The following TBC1D22A variants were observed in gnomAD, a reference collection of about 807,000 sequenced individuals.
TBC1D22A encodes TBC1 domain family member 22A.
Under a neutral mutation model 60.2 loss-of-function variants are expected in TBC1D22A, and 38 were observed. The observed-to-expected ratio is 0.63, with a 90% confidence interval of 0.49 to 0.83. TBC1D22A has a LOEUF of 0.83. TBC1D22A is among the 40% of genes least tolerant of loss of function. The pLI, the probability that TBC1D22A is intolerant of heterozygous loss-of-function variation, is 0.00. For synonymous variants in TBC1D22A, 302 were observed against 281.7 expected (o/e 1.07, Z -0.72); for missense variants, 628 against 701.0 (o/e 0.90, Z 1.18).
At chr22:47,015,093 C>G (rs573718133) in intron 10 of TBC1D22A, among the ~76,000 whole-genome samples, 18 of 152,380 alleles carry the variant, frequency 1.2e-4, no homozygotes, top group African/African-American at 4.3e-4. Context: ...ACCTGCGGGA[C>G]AAACTGGACG....
At chr22:46,883,496 G>A (rs1382981372) in intron 5 of TBC1D22A, among the ~76,000 whole-genome samples, 1 of 152,208 alleles carries the variant, frequency 6.6e-6, no homozygotes, top group African/African-American at 2.4e-5. Flanking sequence ...AGTGTCAGGA[G>A]CACGTGTAGG....
chr22:46,885,191 G>A (rs575791829), intron 5 of TBC1D22A, among the ~76,000 whole-genome samples: 8 of 152,344 alleles, frequency 5.3e-5, no homozygotes, highest in Non-Finnish European at 1.0e-4. Context: ...CTGGGTGAAT[G>A]AATGTTGTTG....
At chr22:46,920,203 C>T (rs947019379) in intron 8 of TBC1D22A, among the ~76,000 whole-genome samples, 2 of 152,104 alleles carry the variant, frequency 1.3e-5, no homozygotes, top group African/African-American at 2.4e-5. Context: ...CCTCAGCCTC[C>T]CAAGTAGCTG....
chr22:47,090,895 A>T (rs545874351), intron 11 of TBC1D22A, among the ~76,000 whole-genome samples: 1 of 99,582 alleles, frequency 1.0e-5, no homozygotes, highest in South Asian at 4.1e-4. Context: ...AGAGACAGGC[A>T]GGAGAAGTCG....
intron 11 of TBC1D22A, among the ~76,000 whole-genome samples, chr22:47,058,097 A>T (rs73471663): frequency 0.024 from 3,710 of 152,240 alleles, 130 homozygotes; most frequent in African/African-American, 0.082. Flanking sequence ...TGCCCAGCAG[A>T]TCTGAGCTCC....
At chr22:47,025,960 C>T (rs2062242996) in intron 10 of TBC1D22A, among the ~76,000 whole-genome samples, 1 of 152,202 alleles carries the variant, frequency 6.6e-6, no homozygotes, top group African/African-American at 2.4e-5. Flanking sequence ...TAGAGAAGTG[C>T]AGACTGGTAT....
At chr22:46,939,888 A>C (rs2071881596) in intron 8 of TBC1D22A, among the ~76,000 whole-genome samples, 1 of 152,248 alleles carries the variant, frequency 6.6e-6, no homozygotes, top group Admixed American at 6.5e-5. Flanking sequence ...GAAAGCTGGC[A>C]TCACTGCTTA....
At chr22:46,965,307 C>A (rs2077714630) in intron 8 of TBC1D22A, among the ~76,000 whole-genome samples, 2 of 152,328 alleles carry the variant, frequency 1.3e-5, no homozygotes, top group East Asian at 1.9e-4. Context: ...GGGCGGGGTG[C>A]CCCGCCCATT....
At chr22:47,084,299 T>C (rs2064592647) in intron 11 of TBC1D22A, among the ~76,000 whole-genome samples, 2 of 152,232 alleles carry the variant, frequency 1.3e-5, no homozygotes, top group African/African-American at 4.8e-5. Context: ...CATTGCAGAA[T>C]TCTTCCCGAG....
intron 12 of TBC1D22A, among the ~76,000 whole-genome samples, chr22:47,163,501 T>A (rs2068078861): frequency 6.6e-6 from 1 of 152,184 alleles, no homozygotes; most frequent in African/African-American, 2.4e-5. Context: ...TGCGATTCAG[T>A]CCTCACGGAG....
intron 10 of TBC1D22A, among the ~76,000 whole-genome samples, chr22:47,019,620 T>C (rs1603026309): frequency 6.6e-6 from 1 of 151,082 alleles, no homozygotes; most frequent in Admixed American, 6.6e-5. Flanking sequence ...CAGGCAGGGG[T>C]AGTGATATGG....
intron 9 of TBC1D22A, among the ~76,000 whole-genome samples, chr22:46,992,531 C>T (rs531910676): frequency 6.3e-4 from 96 of 152,364 alleles, no homozygotes; most frequent in African/African-American, 1.3e-3. Flanking sequence ...TTCTAGGCAC[C>T]GGCCGGGGAC....
At chr22:46,959,489 A>G (rs2148047735) in intron 8 of TBC1D22A, among the ~76,000 whole-genome samples, 1 of 152,164 alleles carries the variant, frequency 6.6e-6, no homozygotes, top group South Asian at 2.1e-4. Context: ...CTGTGCTGTG[A>G]CTTTTGTGGT....
At chr22:47,113,211 C>T (rs150990755) in intron 12 of TBC1D22A, among the ~76,000 whole-genome samples, 2 of 152,354 alleles carry the variant, frequency 1.3e-5, no homozygotes, top group African/African-American at 4.8e-5. Context: ...CCAGCACACA[C>T]AACTGTATGC....
chr22:47,145,915 C>A lies in TBC1D22A; in HGVS notation c.1426-27583C>A, dbSNP rs568520682. Among the ~76,000 whole-genome samples the A allele has an allele frequency of 2.4e-4, 36 of 152,272 alleles. 1 individual carries two copies. The South Asian group carries it at 6.6e-3, about 28-fold the overall frequency. On this transcript the variant is annotated intron_variant, in intron 12 of 12. Transcript: ENST00000337137. ...GTGTGGGGACGCACTGGATTGCTGGCCTGTCCCATGCTGTTCCTTAAAGCA... is the reference window on the plus strand; with the variant it reads ...GTGTGGGGACGCACTGGATTGCTGGACTGTCCCATGCTGTTCCTTAAAGCA...
chr22:46,803,645 G>A (rs2085000768), intron 4 of TBC1D22A, among the ~76,000 whole-genome samples: 1 of 152,248 alleles, frequency 6.6e-6, no homozygotes, highest in Non-Finnish European at 1.5e-5. Flanking sequence ...TGTTCACCGT[G>A]CTTACTGAAA....
chr22:46,964,336 G>A (rs540017039), intron 8 of TBC1D22A, among the ~76,000 whole-genome samples: 283 of 152,310 alleles, frequency 1.9e-3, no homozygotes, highest in African/African-American at 6.4e-3. Flanking sequence ...GGCATGTGGA[G>A]GCCCCTCTGG....
chr22:46,916,636 G>A (rs1361927842), intron 8 of TBC1D22A, among the ~76,000 whole-genome samples: 1 of 152,210 alleles, frequency 6.6e-6, no homozygotes, highest in Non-Finnish European at 1.5e-5. Flanking sequence ...AAGCAAATGG[G>A]GAACAAATCT....
At chr22:47,125,422 C>T (rs988646839) in intron 12 of TBC1D22A, among the ~76,000 whole-genome samples, 4 of 152,198 alleles carry the variant, frequency 2.6e-5, no homozygotes, top group African/African-American at 9.6e-5. Flanking sequence ...CACGGTGACA[C>T]CAGCAGGTAA....
Sources: allele counts gnomAD v4.1 joint callset (sites outside exome capture counted in the v4.1 genomes callset), GRCh38; gene constraint gnomAD v4.1.1; transcripts MANE v1.5; gene names NCBI Gene and HGNC (gene_info 2026-07-23, HGNC 2026-07-21).